EIF4EBP2: variants seen among roughly 807,000 people sequenced by gnomAD.
EIF4EBP2 encodes eukaryotic translation initiation factor 4E-binding protein 2.
In EIF4EBP2, 5 loss-of-function variants were observed where a neutral mutation model predicts 10.3. The ratio of observed to expected loss-of-function variants is 0.48; its 90% CI spans 0.25 to 1.02. The LOEUF (loss-of-function observed/expected upper bound fraction) is 1.02, where lower values mean the gene tolerates loss of function less well. Among genes scored for constraint, EIF4EBP2 ranks in the 50% least tolerant of loss-of-function variants. The pLI, the probability that EIF4EBP2 is intolerant of heterozygous loss-of-function variation, is 0.15. For missense variants in EIF4EBP2, 188 were observed against 162.2 expected, an observed-to-expected ratio of 1.16 and a Z score of -0.86; for synonymous variants, 67 against 61.1, an observed-to-expected ratio of 1.10 and a Z score of -0.45.
At chr10:70,407,341 A>G (rs928058270) in intron 1 of EIF4EBP2, among the ~76,000 whole-genome samples, 2 of 152,108 alleles carry the variant, frequency 1.3e-5, no homozygotes, top group African/African-American at 2.4e-5. Flanking sequence ...GCCTTCAAGC[A>G]TCTGTTTAAC....
intron 1 of EIF4EBP2, among the ~76,000 whole-genome samples, chr10:70,417,663 T>C (rs1465677763): frequency 1.3e-5 from 2 of 152,186 alleles, no homozygotes; most frequent in African/African-American, 4.8e-5. Context: ...TGATACATAA[T>C]TTAGAAAGCT....
At chr10:70,417,122 T>G (rs1476856410) in intron 1 of EIF4EBP2, among the ~76,000 whole-genome samples, 1 of 152,226 alleles carries the variant, frequency 6.6e-6, no homozygotes, top group Admixed American at 6.5e-5. Flanking sequence ...ACTGATAAAT[T>G]GATAAGGTGC....
At chr10:70,410,805 T>A (rs1845036482) in intron 1 of EIF4EBP2, among the ~76,000 whole-genome samples, 1 of 152,246 alleles carries the variant, frequency 6.6e-6, no homozygotes, top group Non-Finnish European at 1.5e-5. Flanking sequence ...TGTATCTGTT[T>A]CTCATCTTTT....
chr10:70,409,784 T>C (rs896066400), intron 1 of EIF4EBP2, among the ~76,000 whole-genome samples: 2 of 152,214 alleles, frequency 1.3e-5, no homozygotes, highest in African/African-American at 4.8e-5. Context: ...CTCTTTGCCT[T>C]TCTTTTCCTT....
At chr10:70,406,960 C>T (rs532539627) in intron 1 of EIF4EBP2, among the ~76,000 whole-genome samples, 2 of 152,106 alleles carry the variant, frequency 1.3e-5, no homozygotes, top group East Asian at 1.9e-4. Context: ...TGCAGTGGCG[C>T]GATCTCGGCT....
intron 1 of EIF4EBP2, among the ~76,000 whole-genome samples, chr10:70,405,171 T>C (rs151148102): frequency 6.6e-6 from 1 of 152,230 alleles, no homozygotes; most frequent in African/African-American, 2.4e-5. Flanking sequence ...GCTCAAGTAA[T>C]AGCCAAGGGA....
intron 2 of EIF4EBP2, among the ~76,000 whole-genome samples, chr10:70,420,475 A>T (rs1304930969): frequency 6.6e-6 from 1 of 152,184 alleles, no homozygotes; most frequent in African/African-American, 2.4e-5. Flanking sequence ...TGCTAGGATT[A>T]CAGGTGTGAG....
chr10:70,416,337 T>C (rs1345169564), intron 1 of EIF4EBP2, among the ~76,000 whole-genome samples: 1 of 152,108 alleles, frequency 6.6e-6, no homozygotes, highest in Non-Finnish European at 1.5e-5. Context: ...TCCTAACACT[T>C]TGGGAGGCCG....
chr10:70,404,596 C>CT (rs1187695620), intron 1 of EIF4EBP2, 50 bp downstream of exon 1: 66 of 1,487,544 alleles, frequency 4.4e-5, no homozygotes, highest in Non-Finnish European at 5.7e-5. Flanking sequence ...CCGCGGTCCT[C>CT]TAACTCCTCG....
At chr10:70,412,580 T>C (rs1469632345) in intron 1 of EIF4EBP2, among the ~76,000 whole-genome samples, 4 of 152,220 alleles carry the variant, frequency 2.6e-5, no homozygotes, top group Non-Finnish European at 5.9e-5. Context: ...GCCGTTACGC[T>C]TGAATGACCT....
rs1414404800 is a variant in EIF4EBP2, at chr10:70,422,443, A to G, written c.*696A>G. ...CTTTGGTATTATAGTTCATCTTCCC[A>G]TTCTTTTACTTAGTGCATTTGTGCA... On this transcript the variant is annotated 3_prime_UTR_variant, in exon 3 of 3. Transcript: ENST00000373218. 2 of 152,024 alleles carry G rather than the reference A, an allele frequency of 1.3e-5. No individual in the cohort carries two copies. Among genetic ancestry groups the G allele is most frequent in the Non-Finnish European group, 2.9e-5 (2 of 68,008 alleles). 9.4% of individuals were successfully genotyped at this position (152,024 alleles called of 1,614,324 possible).
In EIF4EBP2 at chr10:70,426,140, A is replaced by G. The variant is rs536677171; in HGVS notation, c.*4393A>G. Reference sequence around the variant, plus strand: ...GTGTTCATGCTAAAGACAAACTTACATGAAGTTTTTCAGTTTAAGACATTC... The same window carrying G: ...GTGTTCATGCTAAAGACAAACTTACGTGAAGTTTTTCAGTTTAAGACATTC... On this transcript the variant is annotated 3_prime_UTR_variant, in exon 3 of 3. Transcript: ENST00000373218. 1.3e-5 allele frequency: 2 copies of G among 152,344 alleles called. No homozygotes were observed. Among genetic ancestry groups the G allele is most frequent in the South Asian group, 4.1e-4 (2 of 4,826 alleles). The allele number at this position is 152,344 out of a possible 1,614,324, so 9.4% of individuals were successfully genotyped here.
chr10:70,416,501 C>T (rs1416238302), intron 1 of EIF4EBP2, among the ~76,000 whole-genome samples: 1 of 151,080 alleles, frequency 6.6e-6, no homozygotes, highest in Non-Finnish European at 1.5e-5. Flanking sequence ...ATCGCTTGAA[C>T]CCAGGAGGCG....
At chr10:70,409,798 A>T (rs184785944) in intron 1 of EIF4EBP2, among the ~76,000 whole-genome samples, 1 of 152,292 alleles carries the variant, frequency 6.6e-6, no homozygotes, top group East Asian at 1.9e-4. Flanking sequence ...TTTCCTTCAC[A>T]GAGTTCTCAT....
At chr10:70,413,365 C>T (rs1015482146) in intron 1 of EIF4EBP2, among the ~76,000 whole-genome samples, 2 of 152,024 alleles carry the variant, frequency 1.3e-5, no homozygotes, top group Non-Finnish European at 2.9e-5. Flanking sequence ...GTGGCGTACA[C>T]CTATAATCCC....
chr10:70,421,763 T>C lies in EIF4EBP2; in HGVS notation c.*16T>C, dbSNP rs1370576270. ...GGACATCTGACTCTCCTGCAAGGAT[T>C]AGAAGAAAAGCAGCAACACTGATAC... On this transcript the variant is annotated 3_prime_UTR_variant, in exon 3 of 3. Coordinates refer to ENST00000373218, the MANE Select transcript of EIF4EBP2 (RefSeq NM_004096.5). 1 of 1,612,080 alleles carries C rather than the reference T, an allele frequency of 6.2e-7. No homozygotes were observed. The highest frequency in any genetic ancestry group is 8.5e-7 in the Non-Finnish European group (1 of 1,179,462).
At chr10:70,419,569 G>A (rs1009825643) in intron 1 of EIF4EBP2, among the ~76,000 whole-genome samples, 2 of 151,256 alleles carry the variant, frequency 1.3e-5, no homozygotes, top group African/African-American at 4.9e-5. Context: ...AGTCTATAAA[G>A]AGAGACAGAT....
chr10:70,418,857 C>G (rs894966675), intron 1 of EIF4EBP2, among the ~76,000 whole-genome samples: 2 of 152,090 alleles, frequency 1.3e-5, no homozygotes, highest in East Asian at 3.8e-4. Context: ...GCTCTGTTGC[C>G]CAGGCTGGAG....
At position 70,426,496 on chromosome 10, in the gene EIF4EBP2, C is replaced by G. The variant is rs532631306; in HGVS notation, c.*4749C>G. On this transcript the variant is annotated 3_prime_UTR_variant, in exon 3 of 3. Coordinates refer to ENST00000373218, the MANE Select transcript of EIF4EBP2 (RefSeq NM_004096.5). ...TTCATCATGTTTGCCAGGCTGGTCT[C>G]GAACTCCTGGCCTCAAGTGATCCGC... 1 of 152,206 alleles carries G rather than the reference C, an allele frequency of 6.6e-6. No homozygotes were observed. Among genetic ancestry groups the G allele is most frequent in the African/African-American group, 2.4e-5 (1 of 41,442 alleles). 9.4% of individuals were successfully genotyped at this position (152,206 alleles called of 1,614,324 possible). A position where few individuals can be genotyped will look rare whatever the true frequency, so the allele number is the denominator to read the frequency against.
Sources: gnomAD v4.1 joint callset for allele counts (sites outside exome capture counted in the v4.1 genomes callset) on GRCh38, gnomAD v4.1.1 for gene constraint, MANE v1.5 for transcripts, NCBI Gene and HGNC (gene_info 2026-07-23, HGNC 2026-07-21) for gene names.